CHEK1: variants seen among roughly 807,000 people sequenced by gnomAD.
CHEK1 encodes the protein checkpoint kinase 1.
Under a neutral mutation model 60.2 loss-of-function variants are expected in CHEK1, and 32 were observed. That is an observed-to-expected ratio of 0.53 (90% CI 0.40 to 0.71). The LOEUF is 0.71. CHEK1 is among the 30% of genes least tolerant of loss of function. The pLI is 0.00. For missense variants in CHEK1, 399 were observed against 564.6 expected (o/e 0.71, Z 2.97); for synonymous variants, 179 against 187.2 (o/e 0.96, Z 0.36).
At chr11:125,662,028 T>C (rs564085013), downstream of CHEK1, among the ~76,000 whole-genome samples, 4 of 152,200 alleles carry the variant, frequency 2.6e-5, no homozygotes, top group Admixed American at 6.5e-5. Context: ...GATACCCTTT[T>C]ATAGCAACAT....
chr11:125,680,087 G>A (rs1942725885), downstream of CHEK1, among the ~76,000 whole-genome samples: 1 of 152,130 alleles, frequency 6.6e-6, no homozygotes, highest in African/African-American at 2.4e-5. Context: ...AACTTTTGAA[G>A]GTCTAACAAA....
chr11:125,650,378 ACTCTAGAAAGTCAGATTTTCCC>A (rs1355248530), intron 11 of CHEK1, among the ~76,000 whole-genome samples: 1 of 150,484 alleles, frequency 6.6e-6, no homozygotes, highest in African/African-American at 2.4e-5. Context: ...ATATGTGGCA[ACTCTAGAAAGTCAGATTTTCCC>A]CTCTTGCCAG....
intron 11 of CHEK1, among the ~76,000 whole-genome samples, chr11:125,651,641 T>C (rs1778926881): frequency 6.6e-6 from 1 of 152,052 alleles, no homozygotes; most frequent in African/African-American, 2.4e-5. Context: ...CTTAAGATAG[T>C]TTGTAAATGA....
chr11:125,647,712 A>G (rs1379121077), intron 11 of CHEK1, among the ~76,000 whole-genome samples: 5 of 152,324 alleles, frequency 3.3e-5, no homozygotes, highest in Admixed American at 1.3e-4. Flanking sequence ...TATTGAGATA[A>G]CTTACAGATG....
chr11:125,676,150 C>A, exon 14 of CHEK1: 1 of 517,104 alleles, frequency 1.9e-6, no homozygotes, highest in Non-Finnish European at 3.4e-6. Flanking sequence ...TCAAGTGATC[C>A]ACCTGCCTTG....
intron 5 of CHEK1, among the ~76,000 whole-genome samples, chr11:125,632,804 C>G (rs1341692613): frequency 1.3e-5 from 2 of 152,136 alleles, no homozygotes; most frequent in African/African-American, 4.8e-5. Context: ...TTCCTGCCCT[C>G]CACCCTACCT....
Position 125,635,539 on chromosome 11 carries a change from T to C in CHEK1, c.718+6T>C, listed in dbSNP as rs774372785. ...AATCGATTCTGCTCCTCTAGGTAACTGAATTATCTTGAGTGAAAGAGTACC... is the reference window on the plus strand; with the variant it reads ...AATCGATTCTGCTCCTCTAGGTAACCGAATTATCTTGAGTGAAAGAGTACC... On this transcript the variant is annotated splice_donor_region_variant and intron_variant, in intron 7 of 12. Coordinates refer to ENST00000438015, the MANE Select transcript of CHEK1 (RefSeq NM_001114122.3). 6.5e-7 allele frequency: 1 copy of C among 1,541,004 alleles called. No individual in the cohort carries two copies. The highest frequency in any genetic ancestry group is 1.9e-5 in the Admixed American group (1 of 52,948).
downstream of CHEK1, chr11:125,680,726 C>T (rs202134156): frequency 2.5e-4 from 403 of 1,613,080 alleles, no homozygotes; most frequent in Non-Finnish European, 5.6e-5. Context: ...ATCAAACACT[C>T]ACCTCTGGCA....
Position 125,656,404 on chromosome 11 carries a change from T to C in CHEK1, c.*1084T>C, listed in dbSNP as rs1435819396. ...TTATAAAATTAATCAGTTATTTTAA[T>C]CTGAAGCCAAGAACATGTAGAATGT... On this transcript the variant is annotated 3_prime_UTR_variant, in exon 13 of 13. Transcript: ENST00000438015. The C allele has an allele frequency of 4.8e-6, 1 of 209,230 alleles. No individual in the cohort carries two copies. The highest frequency in any genetic ancestry group is 9.7e-6 in the Non-Finnish European group (1 of 102,858). 13.0% of individuals were successfully genotyped at this position (209,230 alleles called of 1,614,324 possible). A position where few individuals can be genotyped will look rare whatever the true frequency, so the allele number is the denominator to read the frequency against.
intron 8 of CHEK1, chr11:125,643,264 G>A (rs1941370315): frequency 6.9e-6 from 1 of 145,796 alleles, no homozygotes; most frequent in Non-Finnish European, 1.5e-5. Context: ...TGGATCACGA[G>A]GTCAGGAGAT....
At chr11:125,672,980 T>G (rs1406496897) in intron 13 of CHEK1, among the ~76,000 whole-genome samples, 1 of 152,092 alleles carries the variant, frequency 6.6e-6, no homozygotes, top group Non-Finnish European at 1.5e-5. Context: ...AAATACTTTC[T>G]CTTAATCGTG....
downstream of CHEK1, among the ~76,000 whole-genome samples, chr11:125,680,094 CAA>C (rs1450286050): frequency 7.9e-5 from 12 of 152,222 alleles, no homozygotes; most frequent in African/African-American, 2.9e-4. Flanking sequence ...GAAGGTCTAA[CAA>C]AGCAAAAAGC....
chr11:125,631,652 T>A (rs536726589), intron 5 of CHEK1, among the ~76,000 whole-genome samples: 22 of 151,060 alleles, frequency 1.5e-4, no homozygotes, highest in African/African-American at 5.1e-4. Context: ...ATTCTAGGAG[T>A]TTGAGACCAG....
At chr11:125,666,412 T>C (rs148408050) in intron 13 of CHEK1, among the ~76,000 whole-genome samples, 1 of 152,326 alleles carries the variant, frequency 6.6e-6, no homozygotes, top group East Asian at 1.9e-4. Context: ...ACTTGTTTTG[T>C]GGCCTCTCAT....
At chr11:125,632,103 TATAATATTTTTTATGCC>T (rs1343915876) in intron 5 of CHEK1, among the ~76,000 whole-genome samples, 1 of 152,176 alleles carries the variant, frequency 6.6e-6, no homozygotes, top group Non-Finnish European at 1.5e-5. Context: ...TTTTTTATGC[TATAATATTTTTTATGCC>T]ATTAGCCTTT....
At chr11:125,631,999 C>G (rs528990092) in intron 5 of CHEK1, among the ~76,000 whole-genome samples, 1 of 150,868 alleles carries the variant, frequency 6.6e-6, no homozygotes, top group East Asian at 2.0e-4. Context: ...TATTTTGAGA[C>G]ATTTAAGTTG....
downstream of CHEK1, among the ~76,000 whole-genome samples, chr11:125,659,331 T>C (rs1284884368): frequency 6.6e-6 from 1 of 152,152 alleles, no homozygotes; most frequent in Non-Finnish European, 1.5e-5. Context: ...TGGTTTACTC[T>C]ATGATTTTCT....
chr11:125,638,169 T>A (rs1240449778), intron 8 of CHEK1, among the ~76,000 whole-genome samples: 1 of 152,210 alleles, frequency 6.6e-6, no homozygotes, highest in African/African-American at 2.4e-5. Flanking sequence ...TGGGGAGACC[T>A]CTGAGAGATT....
downstream of CHEK1, among the ~76,000 whole-genome samples, chr11:125,660,180 C>A (rs139690905): frequency 6.6e-6 from 1 of 152,264 alleles, no homozygotes; most frequent in East Asian, 1.9e-4. Flanking sequence ...CACACATTTT[C>A]AGTTTTCTTG....
Sources: gnomAD v4.1 joint callset for allele counts (sites outside exome capture counted in the v4.1 genomes callset) on GRCh38, gnomAD v4.1.1 for gene constraint, MANE v1.5 for transcripts, NCBI Gene and HGNC (gene_info 2026-07-23, HGNC 2026-07-21) for gene names.